Variants in LEKR1 observed in about 807,000 individuals in gnomAD.
The protein encoded by LEKR1 is protein LEKR1.
A neutral mutation model predicts 72.4 loss-of-function variants in LEKR1; 59 were observed. The observed-to-expected ratio is 0.82, with a 90% CI of 0.66 to 1.01. The LOEUF is 1.01. Among genes scored for constraint, LEKR1 ranks in the 50% least tolerant of loss-of-function variants. LEKR1 has a pLI of 0.00. For synonymous variants in LEKR1, 257 were observed against 263.2 expected (o/e 0.98, Z 0.23); for missense variants, 728 against 759.2 (o/e 0.96, Z 0.48).
intron 12 of LEKR1, among the ~76,000 whole-genome samples, chr3:157,034,502 G>A (rs1734829295): frequency 6.6e-6 from 1 of 152,184 alleles, no homozygotes; most frequent in East Asian, 1.9e-4. Context: ...CTGAAGATGT[G>A]GCTGAACTGC....
chr3:156,971,552 C>A (rs1729195747), intron 6 of LEKR1, among the ~76,000 whole-genome samples: 1 of 152,094 alleles, frequency 6.6e-6, no homozygotes, highest in African/African-American at 2.4e-5. Context: ...AGTGAACAGG[C>A]AACCTACAAA....
chr3:156,913,528 A>G (rs956870707), intron 3 of LEKR1, among the ~76,000 whole-genome samples: 3 of 152,226 alleles, frequency 2.0e-5, no homozygotes, highest in East Asian at 3.8e-4. Context: ...CTCAAAACAT[A>G]TAATTAACTT....
chr3:157,021,035 A>G (rs1365852261), intron 10 of LEKR1, among the ~76,000 whole-genome samples: 4 of 151,880 alleles, frequency 2.6e-5, no homozygotes, highest in South Asian at 2.1e-4. Context: ...GCCAGTGATG[A>G]TGAGCATTTT....
chr3:156,987,719 C>T (rs1212660581), intron 7 of LEKR1, among the ~76,000 whole-genome samples: 1 of 152,104 alleles, frequency 6.6e-6, no homozygotes, highest in African/African-American at 2.4e-5. Flanking sequence ...ATATAAGACA[C>T]CTACATGTAA....
chr3:156,927,775 A>G (rs911690076), intron 5 of LEKR1, among the ~76,000 whole-genome samples, 171 bp downstream of exon 5: 8 of 151,948 alleles, frequency 5.3e-5, no homozygotes, highest in Admixed American at 4.6e-4. Flanking sequence ...TTTAATTATT[A>G]TAGGTTTATC....
chr3:157,045,530 G>C lies in LEKR1; in HGVS notation c.1859G>C (p.Arg620Thr). ...PAAAVSNHGE[R>T]SLARLNSEKG... Reference sequence around the variant, plus strand: ...GCAGCAGTCAGTAATCATGGAGAGAGAAGCCTTGCAAGACTGAACTCTGAA... The same window carrying C: ...GCAGCAGTCAGTAATCATGGAGAGACAAGCCTTGCAAGACTGAACTCTGAA... Residue 620 changes from arginine (R) to threonine (T), a missense_variant, in exon 13 of 13, where the codon AGA (arginine) becomes ACA (threonine). By Grantham distance (71) the Arg-to-Thr change is moderately conservative. Coordinates refer to ENST00000356539, the MANE Select transcript of LEKR1 (RefSeq NM_001004316.3). The C allele has an allele frequency of 6.2e-7, 1 of 1,614,158 alleles. No homozygotes were observed. The highest frequency in any genetic ancestry group is 1.7e-5 in the Admixed American group (1 of 60,002).
At chr3:157,044,192 T>A (rs1735577366) in intron 12 of LEKR1, among the ~76,000 whole-genome samples, 2 of 152,320 alleles carry the variant, frequency 1.3e-5, no homozygotes, top group South Asian at 4.1e-4. Context: ...TAATGGAAAT[T>A]CATTTTTGAG....
At chr3:156,928,590 G>A (rs1286975598) in intron 5 of LEKR1, among the ~76,000 whole-genome samples, 5 of 152,042 alleles carry the variant, frequency 3.3e-5, no homozygotes, top group African/African-American at 7.2e-5. Flanking sequence ...ATAGAAAACT[G>A]TAGACTAGAG....
intron 5 of LEKR1, among the ~76,000 whole-genome samples, chr3:156,933,310 G>A (rs1248671239): frequency 1.3e-5 from 2 of 151,594 alleles, no homozygotes; most frequent in Non-Finnish European, 2.9e-5. Flanking sequence ...GTTATTTTTT[G>A]GGTAAATACC....
At chr3:157,032,965 T>C (rs1254523150) in intron 12 of LEKR1, among the ~76,000 whole-genome samples, 1 of 152,214 alleles carries the variant, frequency 6.6e-6, no homozygotes, top group Non-Finnish European at 1.5e-5. Flanking sequence ...TATTATTATA[T>C]CTGTTATGGC....
chr3:156,945,005 T>C (rs184705646), intron 6 of LEKR1, among the ~76,000 whole-genome samples: 1 of 151,864 alleles, frequency 6.6e-6, no homozygotes, highest in East Asian at 1.9e-4. Context: ...GTGTTCTCCA[T>C]ATTGATTATA....
At position 157,045,774 on chromosome 3, in the gene LEKR1, C is replaced by G; in HGVS notation, c.*24C>G. On this transcript the variant is annotated 3_prime_UTR_variant, in exon 13 of 13. Transcript: ENST00000356539. ...GATCCAAAATGAGGAGCAGGAAGCT[C>G]CCTACAGCGTGCACGCTCTTTCAGA... 6.3e-7 allele frequency: 1 copy of G among 1,596,554 alleles called. No individual in the cohort carries two copies. The highest frequency in any genetic ancestry group is 8.5e-7 in the Non-Finnish European group (1 of 1,175,032).
At chr3:156,883,200 T>G (rs1455517830) in intron 3 of LEKR1, among the ~76,000 whole-genome samples, 1 of 145,982 alleles carries the variant, frequency 6.9e-6, no homozygotes, top group African/African-American at 2.6e-5. Flanking sequence ...ACTGCCCCAC[T>G]TGATTTCAGA....
intron 5 of LEKR1, among the ~76,000 whole-genome samples, chr3:156,928,621 CA>C (rs1370587244): frequency 6.6e-6 from 1 of 151,994 alleles, no homozygotes; most frequent in Non-Finnish European, 1.5e-5. Flanking sequence ...AAGGCAACCT[CA>C]GCCTCTGAGA....
chr3:156,849,107 C>A (rs1359260355), intron 2 of LEKR1, among the ~76,000 whole-genome samples: 11 of 152,016 alleles, frequency 7.2e-5, no homozygotes, highest in Admixed American at 7.2e-4. Flanking sequence ...TTCTTATACA[C>A]CAATAACAGA....
intron 9 of LEKR1, among the ~76,000 whole-genome samples, chr3:157,009,999 T>C (rs1481257936): frequency 6.6e-6 from 1 of 152,094 alleles, no homozygotes; most frequent in Admixed American, 6.5e-5. Flanking sequence ...ATAATATTTA[T>C]TATAAAGCTG....
chr3:157,014,366 T>G (rs1414658594), intron 10 of LEKR1, among the ~76,000 whole-genome samples: 1 of 152,144 alleles, frequency 6.6e-6, no homozygotes, highest in Non-Finnish European at 1.5e-5. Context: ...ATTTCTTGGC[T>G]GAAGCAACTA....
intron 2 of LEKR1, among the ~76,000 whole-genome samples, chr3:156,834,615 G>T (rs1046656155): frequency 5.9e-5 from 9 of 152,128 alleles, no homozygotes; most frequent in African/African-American, 2.2e-4. Context: ...GTATCAGATT[G>T]CAGAGCCTAG....
chr3:156,966,991 C>G (rs1728671036), intron 6 of LEKR1, among the ~76,000 whole-genome samples: 1 of 152,210 alleles, frequency 6.6e-6, no homozygotes, highest in South Asian at 2.1e-4. Flanking sequence ...GTTCTGCAGC[C>G]TCCGCTGCTG....
Sources: allele counts gnomAD v4.1 joint callset (sites outside exome capture counted in the v4.1 genomes callset), GRCh38; gene constraint gnomAD v4.1.1; transcripts MANE v1.5; gene names NCBI Gene and HGNC (gene_info 2026-07-23, HGNC 2026-07-21).